Variants in RAPGEF5 observed in about 807,000 individuals in gnomAD.
RAPGEF5 encodes the protein Rap guanine nucleotide exchange factor 5.
RAPGEF5 carries 65 observed loss-of-function variants against 125.2 expected under a neutral mutation model. The ratio of observed to expected loss-of-function variants is 0.52; its 90% CI spans 0.43 to 0.64. RAPGEF5 has a LOEUF of 0.64. Among genes scored for constraint, RAPGEF5 ranks in the 30% least tolerant of loss-of-function variants. The pLI is 0.00. For synonymous variants in RAPGEF5, 391 were observed against 385.9 expected, an observed-to-expected ratio of 1.01 and a Z score of -0.16; for missense variants, 958 against 1,048.1, an observed-to-expected ratio of 0.91 and a Z score of 1.19.
At chr7:22,145,938 A>C (rs967366855) in intron 19 of RAPGEF5, among the ~76,000 whole-genome samples, 8 of 151,904 alleles carry the variant, frequency 5.3e-5, no homozygotes, top group African/African-American at 1.9e-4. Context: ...AAGCAATAGA[A>C]GAGATTTGTT....
intron 9 of RAPGEF5, among the ~76,000 whole-genome samples, chr7:22,196,437 A>G (rs1785148970): frequency 6.6e-6 from 1 of 152,248 alleles, no homozygotes; most frequent in South Asian, 2.1e-4. Context: ...AAATGCAGGT[A>G]AAGTATTAAA....
chr7:22,123,940 C>T (rs371867119), intron 25 of RAPGEF5, among the ~76,000 whole-genome samples: 137 of 152,260 alleles, frequency 9.0e-4, no homozygotes, highest in African/African-American at 3.0e-3. Flanking sequence ...ATATTTTATC[C>T]CAAATGCTGA....
At chr7:22,144,991 T>C (rs570653754) in intron 20 of RAPGEF5, 53 bp downstream of exon 20, 22 of 1,551,752 alleles carry the variant, frequency 1.4e-5, no homozygotes, top group Non-Finnish European at 1.5e-5. Context: ...AGAAGAACAA[T>C]GTACTCTCTC....
chr7:22,192,299 G>C (rs1469867219), intron 11 of RAPGEF5: 1 of 152,282 alleles, frequency 6.6e-6, no homozygotes, highest in Non-Finnish European at 1.5e-5. Context: ...TTTACTGTAG[G>C]ATACATGATT....
At chr7:22,124,617 G>A (rs1782680097) in intron 25 of RAPGEF5, among the ~76,000 whole-genome samples, 1 of 152,160 alleles carries the variant, frequency 6.6e-6, no homozygotes, top group Admixed American at 6.5e-5. Context: ...CTTTTCTTGA[G>A]AAGTAGGACT....
chr7:22,225,409 A>G (rs975557556), intron 8 of RAPGEF5, among the ~76,000 whole-genome samples: 6 of 152,188 alleles, frequency 3.9e-5, no homozygotes, highest in Non-Finnish European at 8.8e-5. Flanking sequence ...TCACAAGGTA[A>G]TCAATTCTAT....
intron 3 of RAPGEF5, among the ~76,000 whole-genome samples, chr7:22,310,725 G>C (rs1161439807): frequency 6.6e-6 from 1 of 152,124 alleles, no homozygotes; most frequent in African/African-American, 2.4e-5. Flanking sequence ...CAATAAATTT[G>C]ATTGTTAATC....
intron 23 of RAPGEF5, among the ~76,000 whole-genome samples, chr7:22,132,217 C>G (rs1274321008): frequency 6.6e-6 from 1 of 152,172 alleles, no homozygotes; most frequent in Non-Finnish European, 1.5e-5. Flanking sequence ...GGTCCTAAAA[C>G]TTGCCACCAA....
chr7:22,313,145 T>G (rs1172170760), intron 3 of RAPGEF5, among the ~76,000 whole-genome samples: 2 of 152,214 alleles, frequency 1.3e-5, no homozygotes, highest in Non-Finnish European at 2.9e-5. Flanking sequence ...AAAACATGAA[T>G]TTACCCAATC....
At chr7:22,162,905 T>C in intron 12 of RAPGEF5, 1 of 462,484 alleles carries the variant, frequency 2.2e-6, no homozygotes, top group South Asian at 1.6e-5. Context: ...GTGAATACTA[T>C]TTCAATACAT....
At chr7:22,313,954 C>T (rs568645311) in intron 3 of RAPGEF5, among the ~76,000 whole-genome samples, 1 of 152,238 alleles carries the variant, frequency 6.6e-6, no homozygotes, top group African/African-American at 2.4e-5. Context: ...TGAATGAATC[C>T]CTAATGGGAG....
chr7:22,308,767 T>C (rs1783403669), intron 4 of RAPGEF5, among the ~76,000 whole-genome samples: 1 of 152,218 alleles, frequency 6.6e-6, no homozygotes, highest in African/African-American at 2.4e-5. Flanking sequence ...CAGGTGCAGA[T>C]AAAATCAATA....
chr7:22,338,374 T>G (rs539151977), intron 1 of RAPGEF5, among the ~76,000 whole-genome samples: 1 of 152,220 alleles, frequency 6.6e-6, no homozygotes, highest in African/African-American at 2.4e-5. Context: ...TTCTATATCT[T>G]TGCACTCCCC....
intron 24 of RAPGEF5, among the ~76,000 whole-genome samples, chr7:22,129,338 G>T (rs1180813431): frequency 6.6e-6 from 1 of 152,134 alleles, no homozygotes; most frequent in Non-Finnish European, 1.5e-5. Context: ...GACTAGTCAG[G>T]GGAAAGGATT....
At chr7:22,299,927 G>A (rs1323541070) in intron 5 of RAPGEF5, among the ~76,000 whole-genome samples, 1 of 152,018 alleles carries the variant, frequency 6.6e-6, no homozygotes, top group Non-Finnish European at 1.5e-5. Context: ...TTCATTATTT[G>A]TTTCTTAGTT....
chr7:22,181,765 A>C (rs1784682435), intron 11 of RAPGEF5, among the ~76,000 whole-genome samples: 1 of 152,176 alleles, frequency 6.6e-6, no homozygotes, highest in Admixed American at 6.5e-5. Flanking sequence ...CTGCAAACTG[A>C]ATGAAAGAAA....
At chr7:22,193,237 G>A (rs560249866) in intron 11 of RAPGEF5, 130 bp downstream of exon 11, 39 of 971,920 alleles carry the variant, frequency 4.0e-5, no homozygotes, top group Non-Finnish European at 1.6e-5. Flanking sequence ...GGCAAGGGAC[G>A]AGTCGCACAA....
At chr7:22,255,043 T>C (rs1786722024) in intron 7 of RAPGEF5, among the ~76,000 whole-genome samples, 1 of 152,282 alleles carries the variant, frequency 6.6e-6, no homozygotes, top group Middle Eastern at 3.4e-3. Flanking sequence ...TGGGGTTTCC[T>C]ACTTGAATGT....
At chr7:22,276,833 G>A (rs772677144) in intron 6 of RAPGEF5, among the ~76,000 whole-genome samples, 1 of 152,200 alleles carries the variant, frequency 6.6e-6, no homozygotes, top group Non-Finnish European at 1.5e-5. Context: ...GGGACTGATT[G>A]ATCCGACACA....
Sources: allele counts gnomAD v4.1 joint callset (sites outside exome capture counted in the v4.1 genomes callset), GRCh38; gene constraint gnomAD v4.1.1; transcripts MANE v1.5; gene names NCBI Gene and HGNC (gene_info 2026-07-23, HGNC 2026-07-21).